Variants in MPV17 observed in about 807,000 individuals in gnomAD.
The protein encoded by MPV17 is mitochondrial inner membrane protein MPV17.
A neutral mutation model predicts 28.6 loss-of-function variants in MPV17; 31 were observed. The ratio of observed to expected loss-of-function variants is 1.08; its 90% CI spans 0.81 to 1.46. The LOEUF (loss-of-function observed/expected upper bound fraction) is 1.46. Among genes scored for constraint, MPV17 ranks in the 40% most tolerant of loss-of-function variants. The probability of loss-of-function intolerance (pLI) is 0.00; values close to 1 mark genes in which losing one functional copy is unlikely to be tolerated. For missense variants in MPV17, 198 were observed against 216.2 expected, an observed-to-expected ratio of 0.92 and a Z score of 0.53; for synonymous variants, 87 against 85.3, an observed-to-expected ratio of 1.02 and a Z score of -0.11.
At chr2:27,319,333 C>A (rs1031821737) in intron 2 of MPV17, among the ~76,000 whole-genome samples, 3 of 151,058 alleles carry the variant, frequency 2.0e-5, no homozygotes, top group Non-Finnish European at 3.0e-5. Context: ...AAAGCTTGGG[C>A]AATATGGCAA....
chr2:27,310,106 C>T (rs1679374184), intron 7 of MPV17, 125 bp from the exon 8 acceptor site: 2 of 772,852 alleles, frequency 2.6e-6, no homozygotes, highest in Non-Finnish European at 4.6e-6. Flanking sequence ...GGTCTCTTTC[C>T]TTCAGCACCT....
At chr2:27,315,978 C>G (rs1312609590) in intron 2 of MPV17, 1 of 1,504,054 alleles carries the variant, frequency 6.6e-7, no homozygotes, top group Non-Finnish European at 8.9e-7. Flanking sequence ...GTATTCCTGG[C>G]ATGGGCTGAG....
chr2:27,316,396 G>A lies in MPV17; in HGVS notation c.71-3287C>T, dbSNP rs543558218. 9.7e-4 allele frequency among the ~76,000 whole-genome samples: 148 copies of A among 152,358 alleles called. No individual in the cohort carries two copies. The South Asian group carries it at 0.011, about 11-fold the overall frequency. The stretch of plus-strand genomic sequence containing the variant: ...GGGACTACCAAGTGACAGGGCAGCA[G>A]TAGGGGTGAGTAGGTGGTATGTAGA... On this transcript the variant is annotated intron_variant, in intron 2 of 7. Transcript: ENST00000380044.
At position 27,315,712 on chromosome 2, in the gene MPV17, C is replaced by T. The variant is rs1558601868; in HGVS notation, c.71-2603G>A. ...GAGTAGCTGGGATTGCAGGTGCCCA[C>T]CACCACACCTGGCTGATTTTTGTAT... On this transcript the variant is annotated intron_variant, in intron 2 of 7. Transcript: ENST00000380044. The T allele has an allele frequency of 2.1e-5, 4 of 191,666 alleles. No homozygotes were observed. In the South Asian group the frequency reaches 4.4e-4, roughly 21 times the overall value. 11.9% of individuals were successfully genotyped at this position (191,666 alleles called of 1,614,324 possible).
In MPV17 at chr2:27,309,846, G is replaced by T; in HGVS notation, c.*66C>A. ...GAAACTGGTATGCCCACTTTGAGGAGGTTGTCTGACCGTTCCAGGGTCAAG... is the reference window on the plus strand; with the variant it reads ...GAAACTGGTATGCCCACTTTGAGGATGTTGTCTGACCGTTCCAGGGTCAAG... On this transcript the variant is annotated 3_prime_UTR_variant, in exon 8 of 8. Transcript: ENST00000380044. The T allele has an allele frequency of 7.2e-7, 1 of 1,389,222 alleles. No homozygotes were observed. Among genetic ancestry groups the T allele is most frequent in the Non-Finnish European group, 1.0e-6 (1 of 977,724 alleles). The allele number at this position is 1,389,222 out of a possible 1,614,324, so 86.1% of individuals were successfully genotyped here.
chr2:27,313,356 A>G, intron 2 of MPV17: 2 of 773,544 alleles, frequency 2.6e-6, no homozygotes, highest in Non-Finnish European at 2.0e-6. Flanking sequence ...CTTTGCATTG[A>G]GCAGTAAAGG....
Position 27,317,038 on chromosome 2 carries a change from G to A in MPV17, c.71-3929C>T. ...ACACCCTCTTCCCGGGCATGGGCAG[G>A]GTAAATTCCCTACTTCTCCTATTTT... On this transcript the variant is annotated intron_variant, in intron 2 of 7. Coordinates refer to ENST00000380044, the MANE Select transcript of MPV17 (RefSeq NM_002437.5). This position sits in a 1 kb window ranked among gnomAD's most constrained non-coding sequence, Gnocchi z 4.0. 6.6e-7 allele frequency: 1 copy of A among 1,518,562 alleles called. No homozygotes were observed. Among genetic ancestry groups the A allele is most frequent in the Non-Finnish European group, 8.9e-7 (1 of 1,128,294 alleles). The allele number at this position is 1,518,562 out of a possible 1,614,324, so 94.1% of individuals were successfully genotyped here.
At chr2:27,312,176 G>A (rs2148214987) in intron 6 of MPV17, 38 bp downstream of exon 6, 2 of 1,607,762 alleles carry the variant, frequency 1.2e-6, no homozygotes, top group Non-Finnish European at 1.7e-6. Context: ...TAGACTTAAG[G>A]AAGCAGGAGA....
intron 7 of MPV17, among the ~76,000 whole-genome samples, chr2:27,310,885 C>T (rs1205240359): frequency 4.6e-5 from 7 of 152,030 alleles, no homozygotes; most frequent in Non-Finnish European, 8.8e-5. Context: ...GCTGGGACTA[C>T]AGGCACCTGC....
Position 27,313,007 on chromosome 2 carries a change from C to T in MPV17, c.173G>A (p.Gly58Asp). 6.2e-7 allele frequency: 1 copy of T among 1,614,224 alleles called. No individual in the cohort carries two copies. Among genetic ancestry groups the T allele is most frequent in the Non-Finnish European group, 8.5e-7 (1 of 1,180,026 alleles). Residue 58 changes from glycine to aspartate, a missense_variant, in exon 3 of 8, where the codon GGC becomes GAC. By Grantham distance (94) the Gly-to-Asp change is moderately conservative (BLOSUM62 -1). Transcript: ENST00000380044. ...GGGAGAACTTACCACAAAGCCACAG[C>T]CCAGGGACACCATGGTCAGAGTCCG... ...RGRTLTMVSL[G>D]CGFVGPVVGG...
chr2:27,312,553 G>T lies in MPV17; in HGVS notation c.316C>A (p.Pro106Thr). 1 of 1,614,168 alleles carries T rather than the reference G, an allele frequency of 6.2e-7. No individual in the cohort carries two copies. The highest frequency in any genetic ancestry group is 8.5e-7 in the Non-Finnish European group (1 of 1,180,010). The change falls in exon 5 of 8, where the codon CCA (proline) becomes ACA (threonine). Residue 106 changes from proline (P) to threonine (T), a missense_variant. By Grantham distance (38) the Pro-to-Thr change is conservative. Coordinates refer to ENST00000380044, the MANE Select transcript of MPV17 (RefSeq NM_002437.5). Reference protein sequence around the residue: ...FAPCFLGCFLPLVGALNGLSA... With the variant: ...FAPCFLGCFLTLVGALNGLSA... Reference sequence around the variant, plus strand: ...AGTCCATTAAGTGCCCCTACCAGTGGGAGAAAGCAGCCTAGAAAACACGGG... The same window carrying T: ...AGTCCATTAAGTGCCCCTACCAGTGTGAGAAAGCAGCCTAGAAAACACGGG...
rs746954002 is a variant in MPV17, at chr2:27,312,805, A to G, written c.187-33T>C. The G allele has an allele frequency of 3.1e-6, 5 of 1,608,222 alleles. No homozygotes were observed. In the East Asian group the frequency reaches 6.7e-5, roughly 22 times the overall value. ...TAAACCCCAGATAGCAGCAGGCTGC[A>G]GTGAGGGAGCCCTAGGCCTCTACCT... On this transcript the variant is annotated intron_variant, in intron 3 of 7. Coordinates refer to ENST00000380044, the MANE Select transcript of MPV17 (RefSeq NM_002437.5).
chr2:27,321,432 T>C (rs1679854223), intron 2 of MPV17, among the ~76,000 whole-genome samples: 1 of 152,200 alleles, frequency 6.6e-6, no homozygotes, highest in South Asian at 2.1e-4. Flanking sequence ...GCTGTTCTGG[T>C]CACAGGATCC....
Position 27,309,678 on chromosome 2 carries a change from C to A in MPV17, c.*234G>T, listed in dbSNP as rs1679351990. 7 of 619,840 alleles carry A rather than the reference C, an allele frequency of 1.1e-5. No homozygotes were observed. Among genetic ancestry groups the A allele is most frequent in the Admixed American group, 2.6e-5 (1 of 37,902 alleles). 38.4% of individuals were successfully genotyped at this position (619,840 alleles called of 1,614,324 possible). A position where few individuals can be genotyped will look rare whatever the true frequency, so the allele number is the denominator to read the frequency against. ...AGTTGATAAGGTCATGAAGGTTCAA[C>A]AGATATTTATGGAGTGCCTAGTATG... On this transcript the variant is annotated 3_prime_UTR_variant, in exon 8 of 8. Transcript: ENST00000380044.
At chr2:27,319,298 A>G (rs1008650154) in intron 2 of MPV17, among the ~76,000 whole-genome samples, 1 of 151,274 alleles carries the variant, frequency 6.6e-6, no homozygotes, top group Non-Finnish European at 1.5e-5. Flanking sequence ...AACAAACCTA[A>G]CCCAAACGCC....
At chr2:27,321,931 G>A (rs1254226981) in intron 2 of MPV17, 3 of 156,934 alleles carry the variant, frequency 1.9e-5, no homozygotes, top group Admixed American at 6.1e-5. Context: ...ACACAGGAGT[G>A]TTCAGTTTTA....
At chr2:27,311,551 T>C (rs975065110) in intron 7 of MPV17, 2 of 1,538,366 alleles carry the variant, frequency 1.3e-6, no homozygotes, top group Non-Finnish European at 1.8e-6. Context: ...AGGCTCCTAC[T>C]TGGCCTTCTG....
chr2:27,312,709 C>T lies in MPV17; in HGVS notation c.250G>A (p.Asp84Asn), dbSNP rs1679499245. ...TCCAACAACATCTTCTTCAGTGCAT[C>T]CACTTTGGTGGTGCCAGGGATGAAC... ...DRFIPGTTKV[D>N]ALKKMLLDQG... is the part of the protein sequence containing the mutation. Residue 84 changes from aspartate (D) to asparagine (N), a missense_variant, in exon 4 of 8, where the codon GAT (aspartate) becomes AAT (asparagine). Coordinates refer to ENST00000380044, the MANE Select transcript of MPV17 (RefSeq NM_002437.5). 6 of 1,614,126 alleles carry T rather than the reference C, an allele frequency of 3.7e-6. No homozygotes were observed. Among genetic ancestry groups the T allele is most frequent in the Non-Finnish European group, 5.1e-6 (6 of 1,180,056 alleles).
Position 27,311,892 on chromosome 2 carries a change from A to G in MPV17, c.461+7T>C. On this transcript the variant is annotated splice_region_variant and intron_variant, in intron 7 of 7. Transcript: ENST00000380044. ...TCCTTGATGGGTGGGGTAGGGGTGC[A>G]ACATACCTGTAATGAAGGGGGACCA... is the stretch of plus-strand genomic sequence containing the variant. 1 of 1,613,494 alleles carries G rather than the reference A, an allele frequency of 6.2e-7. No homozygotes were observed. Among genetic ancestry groups the G allele is most frequent in the Non-Finnish European group, 8.5e-7 (1 of 1,179,812 alleles).
Sources: allele counts gnomAD v4.1 joint callset (sites outside exome capture counted in the v4.1 genomes callset), GRCh38; gene constraint gnomAD v4.1.1; non-coding constraint Gnocchi (gnomAD v3.1); transcripts MANE v1.5; gene names NCBI Gene and HGNC (gene_info 2026-07-23, HGNC 2026-07-21).